AUTS2: variants seen among roughly 807,000 people sequenced by gnomAD.
The protein encoded by AUTS2 is autism susceptibility gene 2 protein.
Under a neutral mutation model 112.4 loss-of-function variants are expected in AUTS2, and 17 were observed. That is an observed-to-expected ratio of 0.15 (90% CI 0.10 to 0.23). The LOEUF is 0.23. AUTS2 is among the 10% of genes least tolerant of loss of function. The pLI, the probability that AUTS2 is intolerant of heterozygous loss-of-function variation, is 1.00. For synonymous variants in AUTS2, 751 were observed against 702.7 expected, an observed-to-expected ratio of 1.07 and a Z score of -1.09; for missense variants, 1,510 against 1,701.6, an observed-to-expected ratio of 0.89 and a Z score of 1.98.
At chr7:70,183,601 A>G (rs1809440535) in intron 4 of AUTS2, among the ~76,000 whole-genome samples, 1 of 152,198 alleles carries the variant, frequency 6.6e-6, no homozygotes, top group African/African-American at 2.4e-5. Flanking sequence ...TGCTGTGTGC[A>G]GACGCTAACC....
At chr7:69,843,474 A>G (rs1792066550) in intron 1 of AUTS2, among the ~76,000 whole-genome samples, 1 of 152,210 alleles carries the variant, frequency 6.6e-6, no homozygotes, top group Non-Finnish European at 1.5e-5. Context: ...GACAGGAGAC[A>G]TGTCTGCATT....
chr7:70,691,375 A>G, intron 5 of AUTS2, among the ~76,000 whole-genome samples: 1 of 151,532 alleles, frequency 6.6e-6, no homozygotes, highest in East Asian at 2.0e-4. Context: ...TTGACTTGGC[A>G]TCTTTATATT....
chr7:70,000,512 T>C (rs1401902096), intron 2 of AUTS2, among the ~76,000 whole-genome samples: 1 of 152,192 alleles, frequency 6.6e-6, no homozygotes, highest in African/African-American at 2.4e-5. Flanking sequence ...GAATACACTT[T>C]TGTGGTCTTT....
At chr7:70,094,070 C>T (rs1359546165) in intron 2 of AUTS2, among the ~76,000 whole-genome samples, 2 of 152,196 alleles carry the variant, frequency 1.3e-5, no homozygotes, top group South Asian at 4.1e-4. Flanking sequence ...TTCATTGTCA[C>T]TCCATCATTT....
At chr7:70,502,281 C>T (rs1230008319) in intron 5 of AUTS2, among the ~76,000 whole-genome samples, 2 of 152,132 alleles carry the variant, frequency 1.3e-5, no homozygotes, top group Admixed American at 6.5e-5. Context: ...ATCTTGGCTC[C>T]GTATTAATGG....
At chr7:69,822,122 C>T (rs1273866897) in intron 1 of AUTS2, among the ~76,000 whole-genome samples, 2 of 152,014 alleles carry the variant, frequency 1.3e-5, no homozygotes, top group Admixed American at 6.6e-5. Context: ...AGGGCTTGAA[C>T]TAGCAGAGTT....
At chr7:70,652,175 T>G (rs1806542301) in intron 5 of AUTS2, among the ~76,000 whole-genome samples, 1 of 152,194 alleles carries the variant, frequency 6.6e-6, no homozygotes, top group Non-Finnish European at 1.5e-5. Flanking sequence ...CCACAGAGAA[T>G]AGCAGTAACC....
intron 2 of AUTS2, among the ~76,000 whole-genome samples, chr7:69,903,225 A>C (rs1795034840): frequency 6.6e-6 from 1 of 152,180 alleles, no homozygotes; most frequent in African/African-American, 2.4e-5. Context: ...GTCACAATGA[A>C]ACCACTCAGG....
rs527935123 is a variant in AUTS2, at chr7:70,718,048, A to G, written c.742+19428A>G. 9.3e-4 allele frequency among the ~76,000 whole-genome samples: 141 copies of G among 152,248 alleles called. 1 individual carries two copies. In the Middle Eastern group the frequency reaches 0.017, roughly 18 times the overall value. On this transcript the variant is annotated intron_variant, in intron 6 of 18. Coordinates refer to ENST00000342771, the MANE Select transcript of AUTS2 (RefSeq NM_015570.4). The stretch of plus-strand genomic sequence containing the variant: ...GCTTACCTCTTGAAGCATGTAGAGC[A>G]TTCATCACCCACCATTCATTCACTG...
chr7:69,904,941 C>T lies in AUTS2; in HGVS notation c.522+5443C>T, dbSNP rs2129541275. ...TTTTAACATCAGGTAATTGAAGAAC[C>T]CCAATCTAGGCTTGTCTGTGTTCAG... is the stretch of plus-strand genomic sequence containing the variant. On this transcript the variant is annotated intron_variant, in intron 2 of 18. Coordinates refer to ENST00000342771, the MANE Select transcript of AUTS2 (RefSeq NM_015570.4). 2.6e-5 allele frequency among the ~76,000 whole-genome samples: 4 copies of T among 152,146 alleles called. 1 individual carries two copies. In the South Asian group the frequency reaches 8.3e-4, roughly 32 times the overall value.
At chr7:69,716,828 A>T (rs540801640) in intron 1 of AUTS2, among the ~76,000 whole-genome samples, 1 of 151,876 alleles carries the variant, frequency 6.6e-6, no homozygotes, top group Non-Finnish European at 1.5e-5. Context: ...CCCGGGGGGG[A>T]AAAATTTGCT....
intron 4 of AUTS2, among the ~76,000 whole-genome samples, chr7:70,279,579 G>T (rs1338807143): frequency 6.6e-6 from 1 of 152,210 alleles, no homozygotes; most frequent in Non-Finnish European, 1.5e-5. Context: ...TCAGCCTTCG[G>T]TGTGACAGGA....
chr7:70,005,303 A>G (rs899572071), intron 2 of AUTS2, among the ~76,000 whole-genome samples: 1 of 151,992 alleles, frequency 6.6e-6, no homozygotes, highest in South Asian at 2.1e-4. Flanking sequence ...GTTAGTTTTT[A>G]CTTTTGTGTC....
chr7:70,357,701 A>C (rs1466688128), intron 4 of AUTS2, among the ~76,000 whole-genome samples: 2 of 152,222 alleles, frequency 1.3e-5, no homozygotes, highest in Admixed American at 1.3e-4. Context: ...AATCATTATG[A>C]AGTAAGCTTG....
At chr7:70,495,877 C>T (rs1798455798) in intron 5 of AUTS2, among the ~76,000 whole-genome samples, 1 of 142,944 alleles carries the variant, frequency 7.0e-6, no homozygotes, top group African/African-American at 2.7e-5. Context: ...CCCACACATG[C>T]ACATGTCACA....
intron 2 of AUTS2, among the ~76,000 whole-genome samples, chr7:69,965,789 G>A (rs1316233857): frequency 6.6e-6 from 1 of 151,948 alleles, no homozygotes; most frequent in African/African-American, 2.4e-5. Context: ...ATCCTCACTT[G>A]GTTACTAACT....
intron 1 of AUTS2, among the ~76,000 whole-genome samples, chr7:69,701,319 A>T (rs1797795509): frequency 6.6e-6 from 1 of 152,208 alleles, no homozygotes; most frequent in African/African-American, 2.4e-5. Context: ...TTTGTTGATT[A>T]ACCTTTCTTC....
intron 6 of AUTS2, among the ~76,000 whole-genome samples, chr7:70,710,401 C>A (rs1402443554): frequency 8.5e-5 from 13 of 152,206 alleles, no homozygotes; most frequent in Admixed American, 8.5e-4. Context: ...ACCCTCCCAT[C>A]TGTCTTCAGC....
intron 1 of AUTS2, among the ~76,000 whole-genome samples, chr7:69,756,074 T>C (rs1056265316): frequency 7.2e-5 from 11 of 152,204 alleles, no homozygotes; most frequent in African/African-American, 2.7e-4. Context: ...ATTGTGCATG[T>C]GTGACAGGTA....
Sources: gnomAD v4.1 joint callset for allele counts (sites outside exome capture counted in the v4.1 genomes callset) on GRCh38, gnomAD v4.1.1 for gene constraint, MANE v1.5 for transcripts, NCBI Gene and HGNC (gene_info 2026-07-23, HGNC 2026-07-21) for gene names.